PIEZO2: variants seen among roughly 807,000 people sequenced by gnomAD.
PIEZO2 encodes piezo-type mechanosensitive ion channel component 2.
Under a neutral mutation model 337.3 loss-of-function variants are expected in PIEZO2, and 172 were observed. The ratio of observed to expected loss-of-function variants is 0.51; its 90% confidence interval spans 0.45 to 0.58. PIEZO2 has a LOEUF of 0.58. Ranked by LOEUF, PIEZO2 falls within the 20% of genes least tolerant of loss-of-function variation. The pLI, the probability that PIEZO2 is intolerant of heterozygous loss-of-function variation, is 0.00. For missense variants in PIEZO2, 3,028 were observed against 3,391.3 expected (o/e 0.89, Z 2.66); for synonymous variants, 1,251 against 1,228.5 (o/e 1.02, Z -0.38).
chr18:11,077,013 C>T lies in PIEZO2; in HGVS notation c.65-10791G>A, dbSNP rs2038570524. Among the ~76,000 whole-genome samples, 5 of 152,342 alleles carry T rather than the reference C, an allele frequency of 3.3e-5. No individual in the cohort carries two copies. The highest frequency in any genetic ancestry group is 1.3e-4 in the Admixed American group (2 of 15,300). On this transcript the variant is annotated intron_variant, in intron 1 of 55. Coordinates refer to ENST00000674853, the MANE Select transcript of PIEZO2 (RefSeq NM_001378183.1). The surrounding 1 kb of genome is among the most constrained non-coding windows in gnomAD (Gnocchi z 4.8). Reference sequence around the variant, plus strand: ...TCTCTGATCTGACAGAATAGCACCACACATTGCCTCTCATAATTGCAAATG... The same window carrying T: ...TCTCTGATCTGACAGAATAGCACCATACATTGCCTCTCATAATTGCAAATG...
intron 3 of PIEZO2, among the ~76,000 whole-genome samples, chr18:10,927,040 A>G (rs1283548850): frequency 6.6e-6 from 1 of 152,172 alleles, no homozygotes; most frequent in African/African-American, 2.4e-5. Context: ...AGTGGCCACA[A>G]GGACCAAGGA....
rs1053908601 is a variant in PIEZO2 at position 10,763,110 on chromosome 18, A to C, written c.2947-12T>G. 1.8e-5 allele frequency: 27 copies of C among 1,535,456 alleles called. No homozygotes were observed. The highest frequency in any genetic ancestry group is 2.4e-5 in the Non-Finnish European group (27 of 1,146,146). ...TTGAACAGAGACACCTGAAAACGTAAAACCAGAAATGGGGACAAAAATACG... is the reference window on the plus strand; with the variant it reads ...TTGAACAGAGACACCTGAAAACGTACAACCAGAAATGGGGACAAAAATACG... On this transcript the variant is annotated splice_polypyrimidine_tract_variant and intron_variant, in intron 21 of 55. Transcript: ENST00000674853.
rs2038296136 is a variant in PIEZO2, at chr18:11,070,365, C to T, written c.65-4143G>A. ...GGTGACTATCAAGGGGCATGGAGAT[C>T]AAGCCCTGAACAGAGATGTTTGTTG... On this transcript the variant is annotated intron_variant, in intron 1 of 55. Coordinates refer to ENST00000674853, the MANE Select transcript of PIEZO2 (RefSeq NM_001378183.1). The surrounding 1 kb of genome is among the most constrained non-coding windows in gnomAD (Gnocchi z 4.3). Among the ~76,000 whole-genome samples, 1 of 152,130 alleles carries T rather than the reference C, an allele frequency of 6.6e-6. No individual in the cohort carries two copies. Among genetic ancestry groups the T allele is most frequent in the African/African-American group, 2.4e-5 (1 of 41,412 alleles).
chr18:11,013,715 T>C (rs2035983990), intron 2 of PIEZO2, among the ~76,000 whole-genome samples: 1 of 152,150 alleles, frequency 6.6e-6, no homozygotes, highest in African/African-American at 2.4e-5. Context: ...TAGGAACATT[T>C]AGAGTCCACC....
Position 10,759,496 on chromosome 18 carries a change from G to A in PIEZO2, c.3743C>T (p.Pro1248Leu). Residue 1248 changes from proline (P) to leucine (L), a missense_variant, in exon 26 of 56, where the codon CCT becomes CTT. Pro to Leu is a moderately conservative substitution (Grantham distance 98). Transcript: ENST00000674853. The surrounding 1 kb of genome is among the most constrained non-coding windows in gnomAD (Gnocchi z 5.5). ...GAAACACTTACAGACGAGAAACACA[G>A]GGTTGGGCCGCACAATGAAATCTGG... is the stretch of plus-strand genomic sequence containing the variant. ...YFPDFIVRPN[P>L]VFLVYDFMLL... 6.5e-7 allele frequency: 1 copy of A among 1,536,914 alleles called. No individual in the cohort carries two copies. Among genetic ancestry groups the A allele is most frequent in the Non-Finnish European group, 8.7e-7 (1 of 1,146,786 alleles).
Position 10,791,182 on chromosome 18 carries a change from C to T in PIEZO2, c.1882+19G>A. On this transcript the variant is annotated intron_variant, in intron 14 of 55. Transcript: ENST00000674853. ...TGCTGAGCACCAAACTCTCCAGCCA[C>T]ACATATACACTAATTTACCTTTTTC... is the stretch of plus-strand genomic sequence containing the variant. 1.3e-6 allele frequency: 2 copies of T among 1,526,206 alleles called. No individual in the cohort carries two copies. Among genetic ancestry groups the T allele is most frequent in the Non-Finnish European group, 1.8e-6 (2 of 1,141,420 alleles). The allele number at this position is 1,526,206 out of a possible 1,614,324, so 94.5% of individuals were successfully genotyped here. A position where few individuals can be genotyped will look rare whatever the true frequency, so the allele number is the denominator to read the frequency against.
rs2039440293 is a variant in PIEZO2, at chr18:11,102,184, T to G, written c.65-35962A>C. On this transcript the variant is annotated intron_variant, in intron 1 of 55. Coordinates refer to ENST00000674853, the MANE Select transcript of PIEZO2 (RefSeq NM_001378183.1). This position sits in a 1 kb window ranked among gnomAD's most constrained non-coding sequence, Gnocchi z 5.7. ...GAACAAACACAAATTGTGGGGTGTA[T>G]GCAAGATGTGATTTTATTTTCACCT... 6.6e-6 allele frequency among the ~76,000 whole-genome samples: 1 copy of G among 152,192 alleles called. No homozygotes were observed. Among genetic ancestry groups the G allele is most frequent in the Non-Finnish European group, 1.5e-5 (1 of 68,034 alleles).
intron 3 of PIEZO2, among the ~76,000 whole-genome samples, chr18:10,949,677 C>G (rs2033198315): frequency 6.6e-6 from 1 of 152,330 alleles, no homozygotes; most frequent in South Asian, 2.1e-4. Context: ...TCATACAAGG[C>G]CAGCTTATGC....
intron 2 of PIEZO2, among the ~76,000 whole-genome samples, chr18:11,014,452 G>T (rs12955900): frequency 6.7e-6 from 1 of 149,868 alleles, no homozygotes; most frequent in Non-Finnish European, 1.5e-5. Flanking sequence ...TTCCTCAGTG[G>T]GGAACATGTC....
At chr18:10,840,884 G>C (rs542453379) in intron 7 of PIEZO2, among the ~76,000 whole-genome samples, 1 of 152,218 alleles carries the variant, frequency 6.6e-6, no homozygotes, top group South Asian at 2.1e-4. Context: ...TTTTAATTGA[G>C]TGTTCAGATT....
At position 10,861,200 on chromosome 18, in the gene PIEZO2, G is replaced by C. The variant is rs543870031; in HGVS notation, c.493-3989C>G. On this transcript the variant is annotated intron_variant, in intron 5 of 55. Transcript: ENST00000674853. The surrounding 1 kb of genome is among the most constrained non-coding windows in gnomAD (Gnocchi z 4.3). Reference sequence around the variant, plus strand: ...TGGAGCTGTAAGCTGTCCCTGCAGCGGAACAGAACTTCAATCTGGCCTTGA... The same window carrying C: ...TGGAGCTGTAAGCTGTCCCTGCAGCCGAACAGAACTTCAATCTGGCCTTGA... 2.2e-4 allele frequency among the ~76,000 whole-genome samples: 34 copies of C among 152,278 alleles called. No individual in the cohort carries two copies. Among genetic ancestry groups the C allele is most frequent in the Non-Finnish European group, 4.4e-4 (30 of 68,032 alleles).
At position 10,705,695 on chromosome 18, in the gene PIEZO2, G is replaced by A. The variant is rs2035553963; in HGVS notation, c.5640C>T (p.Thr1880=). The A allele has an allele frequency of 1.3e-6, 2 of 1,536,508 alleles. No individual in the cohort carries two copies. Among genetic ancestry groups the A allele is most frequent in the Admixed American group, 3.9e-5 (2 of 50,964 alleles). Residue 1880 remains threonine, a synonymous_variant, in exon 41 of 56, where the codon ACC becomes ACT. Coordinates refer to ENST00000674853, the MANE Select transcript of PIEZO2 (RefSeq NM_001378183.1). Reference sequence around the variant, plus strand: ...CCTGCTCAGCCTCCACCTCCTCGATGGTCTCAGTGGTCCCCTGGCGTGAGT... The same window carrying A: ...CCTGCTCAGCCTCCACCTCCTCGATAGTCTCAGTGGTCCCCTGGCGTGAGT... ...MLYSRQGTTE[T]IEEVEAEQEE...
At chr18:11,051,100 G>A (rs2037508587) in intron 2 of PIEZO2, among the ~76,000 whole-genome samples, 1 of 152,002 alleles carries the variant, frequency 6.6e-6, no homozygotes, top group Non-Finnish European at 1.5e-5. Flanking sequence ...CTGTCTTCTG[G>A]TTACTCCAGG....
At chr18:10,836,589 T>C (rs555662299) in intron 7 of PIEZO2, among the ~76,000 whole-genome samples, 2 of 152,364 alleles carry the variant, frequency 1.3e-5, no homozygotes, top group Admixed American at 1.3e-4. Flanking sequence ...ATGAGGTATA[T>C]GATGTCAAAC....
At chr18:11,053,978 C>G (rs1013144336) in intron 2 of PIEZO2, among the ~76,000 whole-genome samples, 2 of 152,170 alleles carry the variant, frequency 1.3e-5, no homozygotes, top group Admixed American at 6.5e-5. Flanking sequence ...GAGCCGAGAT[C>G]ACATCACTGC....
chr18:11,090,316 A>T (rs148015233), intron 1 of PIEZO2, among the ~76,000 whole-genome samples: 1 of 152,176 alleles, frequency 6.6e-6, no homozygotes, highest in Non-Finnish European at 1.5e-5. Flanking sequence ...GAAAAAAGGG[A>T]GGGAGGGAGA....
At chr18:11,085,128 A>G (rs1219349964) in intron 1 of PIEZO2, among the ~76,000 whole-genome samples, 1 of 152,216 alleles carries the variant, frequency 6.6e-6, no homozygotes, top group Admixed American at 6.5e-5. Flanking sequence ...AGATGAACAT[A>G]AGAGGACTCA....
Position 10,728,965 on chromosome 18 carries a change from A to C in PIEZO2, c.5029+2442T>G, listed in dbSNP as rs573762631. On this transcript the variant is annotated intron_variant, in intron 36 of 55. Transcript: ENST00000674853. ...GCAAGACTCTGTCTCAAAAAAAAAA[A>C]AAAAAAAAACAAAAACCAATAAAGG... 2.9e-3 allele frequency among the ~76,000 whole-genome samples: 441 copies of C among 149,976 alleles called. 4 individuals are homozygous for C. The highest frequency in any genetic ancestry group is 0.01 in the African/African-American group (425 of 40,834).
chr18:10,801,806 G>T (rs774419665), intron 9 of PIEZO2, among the ~76,000 whole-genome samples: 7 of 152,118 alleles, frequency 4.6e-5, no homozygotes, highest in Non-Finnish European at 7.4e-5. Flanking sequence ...GAAAAATTGG[G>T]CTCGGCGCGG....
Sources: gnomAD v4.1 joint callset for allele counts (sites outside exome capture counted in the v4.1 genomes callset) on GRCh38, gnomAD v4.1.1 for gene constraint, Gnocchi (gnomAD v3.1) non-coding constraint, MANE v1.5 for transcripts, NCBI Gene and HGNC (gene_info 2026-07-23, HGNC 2026-07-21) for gene names.